SH3RF2: variants seen among roughly 807,000 people sequenced by gnomAD.
SH3RF2 encodes E3 ubiquitin-protein ligase SH3RF2.
In SH3RF2, 43 loss-of-function variants were observed where a neutral mutation model predicts 59.0. The ratio of observed to expected loss-of-function variants is 0.73; its 90% CI spans 0.57 to 0.94. The LOEUF is 0.94. SH3RF2 is among the 40% of genes least tolerant of loss of function. SH3RF2 has a pLI of 0.00. For missense variants in SH3RF2, 930 were observed against 940.1 expected (o/e 0.99, Z 0.14); for synonymous variants, 391 against 391.5 (o/e 1.00, Z 0.01).
intron 2 of SH3RF2, among the ~76,000 whole-genome samples, chr5:145,983,393 A>T (rs906028098): frequency 3.9e-5 from 6 of 152,124 alleles, no homozygotes; most frequent in Non-Finnish European, 8.8e-5. Context: ...CACAACAAAA[A>T]CAAGAAAGTC....
intron 5 of SH3RF2, among the ~76,000 whole-genome samples, chr5:146,034,389 G>A (rs962683738): frequency 6.6e-6 from 1 of 152,304 alleles, no homozygotes; most frequent in African/African-American, 2.4e-5. Flanking sequence ...GTGAGTCTCT[G>A]GGGACAGCCA....
chr5:146,024,461 G>T (rs917371084), intron 5 of SH3RF2, among the ~76,000 whole-genome samples: 2 of 152,104 alleles, frequency 1.3e-5, no homozygotes, highest in African/African-American at 4.8e-5. Flanking sequence ...ACATATTCTA[G>T]ATTCAAGTCC....
intron 5 of SH3RF2, chr5:146,043,763 T>C (rs1762203413): frequency 6.6e-6 from 1 of 152,366 alleles, no homozygotes; most frequent in East Asian, 1.9e-4. Context: ...ATCTTTCATT[T>C]AGGGTGATGT....
chr5:145,941,034 T>C (rs1001097542), intron 2 of SH3RF2, among the ~76,000 whole-genome samples: 6 of 152,150 alleles, frequency 3.9e-5, no homozygotes, highest in African/African-American at 1.4e-4. Flanking sequence ...GCCAGGATAA[T>C]ACTAAGTATA....
In SH3RF2 at chr5:146,049,082, G is replaced by C; in HGVS notation, c.1159G>C (p.Ala387Pro). The C allele has an allele frequency of 1.2e-6, 2 of 1,614,056 alleles. No individual in the cohort carries two copies. Among genetic ancestry groups the C allele is most frequent in the Non-Finnish European group, 1.7e-6 (2 of 1,180,024 alleles). The change falls in exon 7 of 10, where the codon GCC becomes CCC. Residue 387 changes from alanine to proline, a missense_variant. Coordinates refer to ENST00000359120, the MANE Select transcript of SH3RF2 (RefSeq NM_152550.4). ...QQHLSANMFV[A>P]LHSYSAHGPD... The stretch of plus-strand genomic sequence containing the variant: ...TTCTCTGTGTCTTCCCAGGTTTGTA[G>C]CCCTGCACTCCTACTCAGCCCATGG...
chr5:145,937,789 A>ATTTTTTTTTTT, intron 1 of SH3RF2, 34 bp from the exon 2 acceptor site: 1 of 962,920 alleles, frequency 1.0e-6, no homozygotes. Context: ...GAGCAGTCAC[A>ATTTTTTTTTTT]TTTTTTTTTC....
intron 8 of SH3RF2, among the ~76,000 whole-genome samples, chr5:146,059,463 C>T (rs749791573): frequency 1.3e-5 from 2 of 152,222 alleles, no homozygotes; most frequent in Non-Finnish European, 2.9e-5. Context: ...TCAATGTCTT[C>T]TATTTCCTAT....
At chr5:145,987,910 C>A (rs968971095) in intron 2 of SH3RF2, among the ~76,000 whole-genome samples, 2 of 152,156 alleles carry the variant, frequency 1.3e-5, no homozygotes, top group African/African-American at 4.8e-5. Context: ...TTAATCGTCT[C>A]CAAAACCATG....
intron 2 of SH3RF2, among the ~76,000 whole-genome samples, chr5:145,981,433 G>A (rs1759502447): frequency 6.8e-6 from 1 of 147,740 alleles, no homozygotes; most frequent in Non-Finnish European, 1.5e-5. Context: ...GTTTGAATCA[G>A]GATTCACCAA....
chr5:146,049,041 C>A (rs778662280), intron 6 of SH3RF2, 34 bp from the exon 7 acceptor site: 2 of 1,613,328 alleles, frequency 1.2e-6, no homozygotes, highest in Non-Finnish European at 1.7e-6. Flanking sequence ...GCACGTCTTC[C>A]TTCCTCCCTC....
chr5:145,948,370 C>T (rs945002828), intron 2 of SH3RF2, among the ~76,000 whole-genome samples: 9 of 152,324 alleles, frequency 5.9e-5, no homozygotes, highest in Admixed American at 2.6e-4. Context: ...GAATGCATTG[C>T]GGGGCACATA....
At chr5:145,973,760 C>A (rs918973250) in intron 2 of SH3RF2, among the ~76,000 whole-genome samples, 1 of 151,990 alleles carries the variant, frequency 6.6e-6, no homozygotes, top group African/African-American at 2.4e-5. Context: ...ATATGGAAGT[C>A]GTTCTACTGC....
chr5:146,059,022 T>C (rs1762781434), intron 8 of SH3RF2, among the ~76,000 whole-genome samples: 2 of 152,196 alleles, frequency 1.3e-5, no homozygotes, highest in African/African-American at 2.4e-5. Flanking sequence ...CCAGGCACTA[T>C]CCTGATACTT....
intron 9 of SH3RF2, 111 bp from the exon 10 acceptor site, chr5:146,062,315 C>A: frequency 1.5e-6 from 2 of 1,358,186 alleles, no homozygotes; most frequent in East Asian, 2.3e-5. Flanking sequence ...ATGGTAGCCA[C>A]AGATATTTGC....
intron 5 of SH3RF2, among the ~76,000 whole-genome samples, chr5:146,046,333 C>T (rs1280727052): frequency 2.0e-5 from 3 of 152,110 alleles, no homozygotes; most frequent in East Asian, 3.9e-4. Flanking sequence ...TACATGTTTG[C>T]TCAAAACAAA....
At chr5:146,071,819 G>A (rs1763246424) in intron 9 of SH3RF2, among the ~76,000 whole-genome samples, 1 of 152,192 alleles carries the variant, frequency 6.6e-6, no homozygotes, top group African/African-American at 2.4e-5. Context: ...ATCAGACTAT[G>A]CACCTCCTAG....
intron 4 of SH3RF2, among the ~76,000 whole-genome samples, chr5:146,007,913 A>G (rs2149989099): frequency 1.3e-5 from 2 of 152,352 alleles, no homozygotes; most frequent in Admixed American, 1.3e-4. Context: ...CATTAAGACT[A>G]GCACTTGCTG....
At chr5:146,045,768 T>C (rs1346187278) in intron 5 of SH3RF2, among the ~76,000 whole-genome samples, 3 of 152,260 alleles carry the variant, frequency 2.0e-5, no homozygotes, top group East Asian at 1.9e-4. Context: ...TGGGTTATTA[T>C]GAATAATGCT....
Position 146,059,864 on chromosome 5 carries a change from A to T in SH3RF2, c.1556-2A>T. 1 of 1,456,112 alleles carries T rather than the reference A, an allele frequency of 6.9e-7. No individual in the cohort carries two copies. The allele number at this position is 1,456,112 out of a possible 1,614,324, so 90.2% of individuals were successfully genotyped here. A position where few individuals can be genotyped will look rare whatever the true frequency, so the allele number is the denominator to read the frequency against. On this transcript the variant is annotated splice_acceptor_variant, in intron 8 of 9. Coordinates refer to ENST00000359120, the MANE Select transcript of SH3RF2 (RefSeq NM_152550.4). LOFTEE classifies it high-confidence loss of function. ...TGATCTCTCTGTCCTATAATTCCCC[A>T]GATGGATCCCTGCAGAGACCCCTCC...
Sources: gnomAD v4.1 joint callset for allele counts (sites outside exome capture counted in the v4.1 genomes callset) on GRCh38, gnomAD v4.1.1 for gene constraint, MANE v1.5 for transcripts, NCBI Gene and HGNC (gene_info 2026-07-23, HGNC 2026-07-21) for gene names.